Variants in ESR1 observed in about 807,000 individuals in gnomAD.
ESR1 encodes estrogen receptor 1, also known as estrogen receptor.
In ESR1, 12 loss-of-function variants were observed where a neutral mutation model predicts 52.7. That is an observed-to-expected ratio of 0.23 (90% CI 0.15 to 0.37). The LOEUF (loss-of-function observed/expected upper bound fraction) is 0.37, where lower values mean the gene tolerates loss of function less well. Ranked by LOEUF, ESR1 falls within the 10% of genes least tolerant of loss-of-function variation. The pLI, the probability that ESR1 is intolerant of heterozygous loss-of-function variation, is 1.00. For missense variants in ESR1, 584 were observed against 779.7 expected, an observed-to-expected ratio of 0.75 and a Z score of 2.99; for synonymous variants, 305 against 316.8, an observed-to-expected ratio of 0.96 and a Z score of 0.39.
At chr6:151,769,028 CTTTT>C (rs1785290311) in intron 2 of ESR1, among the ~76,000 whole-genome samples, 1 of 152,162 alleles carries the variant, frequency 6.6e-6, no homozygotes, top group African/African-American at 2.4e-5. Flanking sequence ...CGTTTCTGTG[CTTTT>C]ATGTATGGAT....
intron 1 of ESR1, among the ~76,000 whole-genome samples, chr6:151,678,270 C>G (rs1024345911): frequency 1.3e-5 from 2 of 151,926 alleles, no homozygotes; most frequent in African/African-American, 4.8e-5. Context: ...GTCAGGAGTA[C>G]GAGACCAGCC....
At chr6:151,733,116 T>C (rs1025071279) in intron 2 of ESR1, among the ~76,000 whole-genome samples, 1 of 152,228 alleles carries the variant, frequency 6.6e-6, no homozygotes, top group Non-Finnish European at 1.5e-5. Context: ...TTAACCATAT[T>C]GATTCCTTTA....
chr6:151,899,130 C>G (rs1796093281), intron 3 of ESR1, among the ~76,000 whole-genome samples: 1 of 134,340 alleles, frequency 7.4e-6, no homozygotes, highest in African/African-American at 2.9e-5. Flanking sequence ...GGGGGGCTGA[C>G]CCCCCCGCCT....
chr6:152,031,325 C>G (rs1305292834), intron 5 of ESR1, among the ~76,000 whole-genome samples: 2 of 151,956 alleles, frequency 1.3e-5, no homozygotes, highest in African/African-American at 2.4e-5. Flanking sequence ...ACAAAAAACC[C>G]TTCAAAAAAT....
At chr6:152,043,539 C>T (rs573366032) in intron 5 of ESR1, among the ~76,000 whole-genome samples, 3 of 152,318 alleles carry the variant, frequency 2.0e-5, no homozygotes, top group Admixed American at 6.5e-5. Context: ...TAACTATAAG[C>T]AAACAGGGGT....
At chr6:151,795,993 C>CA (rs78880143) in intron 2 of ESR1, among the ~76,000 whole-genome samples, 11,889 of 145,780 alleles carry the variant, frequency 0.082, 579 homozygotes, top group Non-Finnish European at 0.11. Context: ...CTAAAAATAC[C>CA]AAAAAAAAAA....
chr6:152,068,707 C>T (rs1349512489), intron 6 of ESR1, among the ~76,000 whole-genome samples: 3 of 152,206 alleles, frequency 2.0e-5, no homozygotes, highest in African/African-American at 7.2e-5. Context: ...ATCTTTAATT[C>T]TCAGGAGCGT....
rs1390145914 is a variant in ESR1 at position 152,061,901 on chromosome 6, T to TA, written c.1369+778dup. On this transcript the variant is annotated intron_variant, in intron 6 of 7. Transcript: ENST00000206249. The surrounding 1 kb of genome is among the most constrained non-coding windows in gnomAD (Gnocchi z 4.3). ...GGTATTTGGATCTAAGCTCTAGCTC[T>TA]ACAGCCTCTGGGACCTAAAGCTCAC... 2.0e-5 allele frequency among the ~76,000 whole-genome samples: 3 copies of TA among 152,200 alleles called. No homozygotes were observed. Among genetic ancestry groups the TA allele is most frequent in the Non-Finnish European group, 4.4e-5 (3 of 68,034 alleles).
At chr6:151,877,082 A>G (rs989266887) in intron 2 of ESR1, among the ~76,000 whole-genome samples, 3 of 152,042 alleles carry the variant, frequency 2.0e-5, no homozygotes, top group Admixed American at 1.3e-4. Context: ...TCTTGAGAAG[A>G]CCAGATAATA....
intron 5 of ESR1, among the ~76,000 whole-genome samples, chr6:152,013,763 G>A (rs1031120525): frequency 1.3e-5 from 2 of 152,092 alleles, no homozygotes; most frequent in African/African-American, 4.8e-5. Context: ...ATGACTAAAA[G>A]TTCTCATCTC....
rs1289305760 is a variant in ESR1 at position 151,899,332 on chromosome 6, G to A, written c.760+18561G>A. Among the ~76,000 whole-genome samples, 189 of 123,860 alleles carry A rather than the reference G, an allele frequency of 1.5e-3. 1 individual carries two copies. Among genetic ancestry groups the A allele is most frequent in the Middle Eastern group, 4.5e-3 (1 of 220 alleles). 81.3% of individuals were successfully genotyped at this position (123,860 alleles called of 152,430 possible). ...CCCCCACCTCCCTCCCGGACGGGGCGGCTGGCCAGGCGGGGGGCTGACCCC... is the reference window on the plus strand; with the variant it reads ...CCCCCACCTCCCTCCCGGACGGGGCAGCTGGCCAGGCGGGGGGCTGACCCC... On this transcript the variant is annotated intron_variant, in intron 3 of 7. Coordinates refer to ENST00000206249, the MANE Select transcript of ESR1 (RefSeq NM_000125.4).
intron 4 of ESR1, among the ~76,000 whole-genome samples, chr6:151,945,828 A>G (rs1196707877): frequency 6.6e-6 from 1 of 152,200 alleles, no homozygotes; most frequent in Non-Finnish European, 1.5e-5. Context: ...ATGTATTTGC[A>G]TCTATCAGTA....
intron 4 of ESR1, among the ~76,000 whole-genome samples, chr6:151,956,196 T>C (rs1490153519): frequency 6.6e-6 from 1 of 152,228 alleles, no homozygotes; most frequent in Non-Finnish European, 1.5e-5. Flanking sequence ...TACGCGTTCA[T>C]GTGTCTTTAT....
At position 151,741,723 on chromosome 6, in the gene ESR1, A is replaced by G. The variant is rs577106736; in HGVS notation, c.-71+39718A>G. ...TACAACATGACGTGATGAGATATAT[A>G]TAGATAATAAAATGATTACTACAGT... On this transcript the variant is annotated intron_variant, in intron 2 of 2. Transcript: ENST00000404742. Among the ~76,000 whole-genome samples the G allele has an allele frequency of 4.6e-5, 7 of 152,308 alleles. No homozygotes were observed. In the East Asian group the frequency reaches 1.3e-3, roughly 29 times the overall value.
At chr6:151,853,021 A>G (rs1419504122) in intron 2 of ESR1, among the ~76,000 whole-genome samples, 6 of 151,546 alleles carry the variant, frequency 4.0e-5, no homozygotes, top group African/African-American at 1.2e-4. Flanking sequence ...AAAATACAAA[A>G]ATTAGCTAGG....
chr6:151,918,764 A>T (rs2030937029), intron 3 of ESR1, among the ~76,000 whole-genome samples: 1 of 152,232 alleles, frequency 6.6e-6, no homozygotes, highest in Admixed American at 6.5e-5. Flanking sequence ...CTATTAACAG[A>T]TTTGTTCCAA....
At chr6:152,125,290 A>G (rs755516759) in exon 7 of ESR1, 15 of 1,550,380 alleles carry the variant, frequency 9.7e-6, no homozygotes, top group African/African-American at 5.5e-5. Context: ...GAAGCAAAGA[A>G]GAGAATCCTG....
At chr6:151,880,530 G>A in intron 2 of ESR1, 125 bp from the exon 3 acceptor site, 1 of 762,238 alleles carries the variant, frequency 1.3e-6, no homozygotes, top group South Asian at 1.4e-5. Flanking sequence ...AGGCAGGCAG[G>A]CTGGGGAGCA....
chr6:151,920,376 A>G (rs1211040353), intron 3 of ESR1, among the ~76,000 whole-genome samples: 2 of 152,076 alleles, frequency 1.3e-5, no homozygotes, highest in Admixed American at 6.6e-5. Flanking sequence ...GGATAGTAAG[A>G]GAGTTCTCAT....
Sources: allele counts gnomAD v4.1 joint callset (sites outside exome capture counted in the v4.1 genomes callset), GRCh38; gene constraint gnomAD v4.1.1; non-coding constraint Gnocchi (gnomAD v3.1); transcripts MANE v1.5; gene names NCBI Gene and HGNC (gene_info 2026-07-23, HGNC 2026-07-21).